The following PINK1 variants were observed in gnomAD, a reference collection of about 807,000 sequenced individuals.
PINK1 encodes serine/threonine-protein kinase PINK1, mitochondrial.
Under a neutral mutation model 56.0 loss-of-function variants are expected in PINK1, and 58 were observed. The observed-to-expected ratio is 1.04, with a 90% CI of 0.84 to 1.29. PINK1 has a LOEUF of 1.29. PINK1 is among the 50% of genes most tolerant of loss of function. The pLI is 0.00. For synonymous variants in PINK1, 354 were observed against 339.3 expected, an observed-to-expected ratio of 1.04 and a Z score of -0.48; for missense variants, 745 against 777.9, an observed-to-expected ratio of 0.96 and a Z score of 0.50.
At position 20,637,951 on chromosome 1, in the gene PINK1, G is replaced by C. The variant is rs746698825; in HGVS notation, c.497G>C (p.Cys166Ser). 2 of 1,614,216 alleles carry C rather than the reference G, an allele frequency of 1.2e-6. No homozygotes were observed. The highest frequency in any genetic ancestry group is 3.3e-5 in the Admixed American group (2 of 60,026). ...ATAGGGCAGTCCATTGGTAAGGGCT[G>C]CAGTGCTGCTGTGTATGAAGCCACC... ...YLIGQSIGKGCSAAVYEATMP... is the reference protein window; with the variant it reads ...YLIGQSIGKGSSAAVYEATMP... Residue 166 changes from cysteine (C) to serine (S), a missense_variant, in exon 2 of 8, where the codon TGC becomes TCC. Physicochemically the swap from Cys to Ser is moderately radical, Grantham distance 112. Transcript: ENST00000321556.
Position 20,633,537 on chromosome 1 carries a change from C to T in PINK1, c.-12C>T. 6.9e-6 allele frequency: 8 copies of T among 1,155,348 alleles called. No individual in the cohort carries two copies. Among genetic ancestry groups the T allele is most frequent in the South Asian group, 4.2e-5 (1 of 23,626 alleles). The allele number at this position is 1,155,348 out of a possible 1,614,324, so 71.6% of individuals were successfully genotyped here. A position where few individuals can be genotyped will look rare whatever the true frequency, so the allele number is the denominator to read the frequency against. ...AGCGGCGGCTGCGGGGGCACCGGGC[C>T]GCGGCGCCACCATGGCGGTGCGACA... is the stretch of plus-strand genomic sequence containing the variant. On this transcript the variant is annotated 5_prime_UTR_variant, in exon 1 of 8. Transcript: ENST00000321556.
intron 2 of PINK1, chr1:20,638,677 A>C (rs115483804): frequency 5.1e-6 from 1 of 197,448 alleles, no homozygotes; most frequent in Non-Finnish European, 1.0e-5. Flanking sequence ...ACCCAAAGGT[A>C]GATTCTGATT....
In PINK1 at chr1:20,649,084, C is replaced by T. The variant is rs140652495; in HGVS notation, c.1341C>T (p.Phe447=). The T allele has an allele frequency of 1.6e-5, 26 of 1,614,104 alleles. No homozygotes were observed. Among genetic ancestry groups the T allele is most frequent in the African/African-American group, 1.3e-4 (10 of 74,950 alleles). ...TGGGAGCCATCGCCTATGAAATCTT[C>T]GGGCTTGTCAATCCCTTCTACGGCC... ...WAVGAIAYEI[F]GLVNPFYGQG... The change falls in exon 7 of 8, where the codon TTC becomes TTT. Residue 447 remains phenylalanine, a synonymous_variant. Transcript: ENST00000321556.
chr1:20,645,709 T>C lies in PINK1; in HGVS notation c.1109T>C (p.Val370Ala). ...HRDLKSDNIL[V>A]ELDPDGCPWL... ...GACCTGAAATCCGACAACATCCTTG[T>C]GGAGCTGGACCCAGGTAGGAACCTG... Residue 370 changes from valine (V) to alanine (A), a missense_variant, in exon 5 of 8, where the codon GTG (valine) becomes GCG (alanine). Physicochemically the swap from Val to Ala is moderately conservative, Grantham distance 64 (BLOSUM62 0). Transcript: ENST00000321556. 6.2e-7 allele frequency: 1 copy of C among 1,614,084 alleles called. No individual in the cohort carries two copies. Among genetic ancestry groups the C allele is most frequent in the East Asian group, 2.2e-5 (1 of 44,866 alleles).
Position 20,642,271 on chromosome 1 carries a change from A to G in PINK1, c.777-2219A>G, listed in dbSNP as rs557524314. Among the ~76,000 whole-genome samples, 573 of 152,304 alleles carry G rather than the reference A, an allele frequency of 3.8e-3. 1 individual carries two copies. Among genetic ancestry groups the G allele is most frequent in the Non-Finnish European group, 4.6e-3 (314 of 68,028 alleles). ...TAGAAGCAGTCACACTGGATTTTTG[A>G]GAAAAGCCAAGCTTTCTATTGTGAG... On this transcript the variant is annotated intron_variant, in intron 3 of 7. Transcript: ENST00000321556.
intron 3 of PINK1, among the ~76,000 whole-genome samples, chr1:20,643,551 A>C (rs1449461485): frequency 6.6e-6 from 1 of 152,216 alleles, no homozygotes; most frequent in African/African-American, 2.4e-5. Context: ...TCATTGATGA[A>C]TATCTCTCTC....
rs117438827 is a variant in PINK1 at position 20,633,949 on chromosome 1, G to A, written c.387+14G>A. Reference sequence around the variant, plus strand: ...CAGGAGATCCAGGTGAGCGGGGCCGGGTCCTAAGCCGAGCGGAGGACGGAG... The same window carrying A: ...CAGGAGATCCAGGTGAGCGGGGCCGAGTCCTAAGCCGAGCGGAGGACGGAG... On this transcript the variant is annotated intron_variant, in intron 1 of 7. Transcript: ENST00000321556. The A allele has an allele frequency of 6.1e-4, 962 of 1,579,854 alleles. 11 individuals are homozygous for A. The East Asian group carries it at 0.02, about 32-fold the overall frequency.
At chr1:20,648,743 A>C in intron 6 of PINK1, 111 bp downstream of exon 6, 1 of 1,532,504 alleles carries the variant, frequency 6.5e-7, no homozygotes, top group Non-Finnish European at 8.8e-7. Flanking sequence ...TTTCTGACCC[A>C]TAATTTGGCA....
chr1:20,649,309 G>C (rs754249076), intron 7 of PINK1, 78 bp downstream of exon 7: 37 of 1,457,780 alleles, frequency 2.5e-5, no homozygotes, highest in Non-Finnish European at 3.3e-5. Context: ...GTCAGGTTTG[G>C]GCCAGAGCCA....
intron 1 of PINK1, among the ~76,000 whole-genome samples, chr1:20,634,997 C>G (rs758260673): frequency 2.0e-5 from 3 of 152,118 alleles, no homozygotes; most frequent in Non-Finnish European, 4.4e-5. Context: ...GACATCTGGC[C>G]TAGTCCCCAG....
In PINK1 at chr1:20,650,608, A is replaced by T; in HGVS notation, c.1663A>T (p.Lys555Ter). ...GAAGTGTTGTGTGGAAACAAAAATGAAGATGCTCTTTCTGGCTAACCTGGA... is the reference window on the plus strand; with the variant it reads ...GAAGTGTTGTGTGGAAACAAAAATGTAGATGCTCTTTCTGGCTAACCTGGA... ...TEKCCVETKM[K>*]MLFLANLECE... The change falls in exon 8 of 8, where the codon AAG becomes TAG. Residue 555 changes from lysine to a stop codon, truncating the protein, a stop_gained. Transcript: ENST00000321556. LOFTEE classifies it high-confidence loss of function. The T allele has an allele frequency of 3.7e-6, 6 of 1,614,202 alleles. No homozygotes were observed. The highest frequency in any genetic ancestry group is 5.1e-6 in the Non-Finnish European group (6 of 1,180,020).
At chr1:20,648,259 T>G in intron 5 of PINK1, 2 of 543,722 alleles carry the variant, frequency 3.7e-6, no homozygotes, top group Non-Finnish European at 6.7e-6. Context: ...TACTAGAACA[T>G]GATTTAAATT....
At chr1:20,642,299 G>A (rs749521702) in intron 3 of PINK1, among the ~76,000 whole-genome samples, 4 of 152,160 alleles carry the variant, frequency 2.6e-5, no homozygotes, top group East Asian at 1.9e-4. Flanking sequence ...ATTGTGAGTC[G>A]ACTCATATGG....
intron 5 of PINK1, among the ~76,000 whole-genome samples, chr1:20,647,716 G>T (rs530814811): frequency 3.3e-5 from 5 of 152,024 alleles, no homozygotes; most frequent in Non-Finnish European, 4.4e-5. Flanking sequence ...TGATCCGCCT[G>T]CCTCGGCCTC....
chr1:20,633,861 G>T lies in PINK1; in HGVS notation c.313G>T (p.Gly105Trp). The T allele has an allele frequency of 6.3e-7, 1 of 1,578,082 alleles. No homozygotes were observed. Among genetic ancestry groups the T allele is most frequent in the South Asian group, 1.2e-5 (1 of 86,552 alleles). Residue 105 changes from glycine (G) to tryptophan (W), a missense_variant, in exon 1 of 8, where the codon GGG (glycine) becomes TGG (tryptophan). Gly to Trp is a radical substitution (Grantham distance 184, BLOSUM62 -2). Coordinates refer to ENST00000321556, the MANE Select transcript of PINK1 (RefSeq NM_032409.3). ...CGGCCGGGCAGTCTTTCTGGCCTTC[G>T]GGCTAGGGCTGGGCCTCATCGAGGA... ...PCGRAVFLAF[G>W]LGLGLIEEKQ... is the part of the protein sequence containing the mutation.
chr1:20,650,681 C>A lies in PINK1; in HGVS notation c.1736C>A (p.Ala579Glu), dbSNP rs777145627. 8 of 1,613,576 alleles carry A rather than the reference C, an allele frequency of 5.0e-6. No homozygotes were observed. In the African/African-American group the frequency reaches 1.1e-4, roughly 22 times the overall value. The change falls in exon 8 of 8, where the codon GCA becomes GAA. Residue 579 changes from alanine (A) to glutamate (E), a missense_variant. Coordinates refer to ENST00000321556, the MANE Select transcript of PINK1 (RefSeq NM_032409.3). ...QAALLLCSWR[A>E]AL ...GCCCTCCTCCTCTGCTCATGGAGGG[C>A]AGCCCTGTGATGTCCCTGCATGGAG...
chr1:20,637,909 G>T lies in PINK1; in HGVS notation c.455G>T (p.Arg152Leu). ...GACACGAGACGCTTGCAGGGCTTTC[G>T]GCTGGAGGAGTATCTGATAGGGCAG... ...PLDTRRLQGFRLEEYLIGQSI... is the reference protein window; with the variant it reads ...PLDTRRLQGFLLEEYLIGQSI... The change falls in exon 2 of 8, where the codon CGG (arginine) becomes CTG (leucine). Residue 152 changes from arginine to leucine, a missense_variant. Coordinates refer to ENST00000321556, the MANE Select transcript of PINK1 (RefSeq NM_032409.3). 2 of 1,614,194 alleles carry T rather than the reference G, an allele frequency of 1.2e-6. No individual in the cohort carries two copies. Among genetic ancestry groups the T allele is most frequent in the Non-Finnish European group, 1.7e-6 (2 of 1,180,026 alleles).
intron 1 of PINK1, among the ~76,000 whole-genome samples, chr1:20,637,572 C>T (rs1256160690): frequency 2.0e-5 from 3 of 152,152 alleles, no homozygotes; most frequent in Non-Finnish European, 2.9e-5. Context: ...GCACTGGCTG[C>T]GGGACGTGGG....
At position 20,645,655 on chromosome 1, in the gene PINK1, A is replaced by C; in HGVS notation, c.1055A>C (p.His352Pro). The change falls in exon 5 of 8, where the codon CAT (histidine) becomes CCT (proline). Residue 352 changes from histidine (H) to proline (P), a missense_variant. Physicochemically the swap from His to Pro is moderately conservative, Grantham distance 77 (BLOSUM62 -2). Transcript: ENST00000321556. ...CTGCAGCTGCTGGAAGGCGTGGACC[A>C]TCTGGTTCAACAGGGCATCGCGCAC... is the stretch of plus-strand genomic sequence containing the variant. ...MLLQLLEGVD[H>P]LVQQGIAHRD... 2 of 1,614,092 alleles carry C rather than the reference A, an allele frequency of 1.2e-6. No homozygotes were observed. The highest frequency in any genetic ancestry group is 1.7e-6 in the Non-Finnish European group (2 of 1,180,022).
Sources: allele counts gnomAD v4.1 joint callset (sites outside exome capture counted in the v4.1 genomes callset), GRCh38; gene constraint gnomAD v4.1.1; transcripts MANE v1.5; gene names NCBI Gene and HGNC (gene_info 2026-07-23, HGNC 2026-07-21).